COMMD1: variants seen among roughly 807,000 people sequenced by gnomAD.
The protein encoded by COMMD1 is copper metabolism domain containing 1.
COMMD1 carries 10 observed loss-of-function variants against 17.2 expected under a neutral mutation model. The ratio of observed to expected loss-of-function variants is 0.58; its 90% CI spans 0.36 to 0.99. COMMD1 has a LOEUF of 0.99. COMMD1 is among the 50% of genes least tolerant of loss of function. The pLI is 0.01. For missense variants in COMMD1, 270 were observed against 231.8 expected (o/e 1.17, Z -1.07); for synonymous variants, 97 against 91.6 (o/e 1.06, Z -0.34).
At chr2:62,110,125 A>G (rs994504000) in intron 2 of COMMD1, among the ~76,000 whole-genome samples, 3 of 151,930 alleles carry the variant, frequency 2.0e-5, no homozygotes, top group African/African-American at 7.3e-5. Flanking sequence ...GCCCAGGCTG[A>G]GTGCAGTGGC....
In COMMD1 at chr2:61,978,767, GC is replaced by G. The variant is rs560926040; in HGVS notation, c.181-21932del. ...CTTCATAAGCTGTTTTTAGCACAGT[GC>G]CTAGGTTCTAAGAGAGACAAAGGGG... On this transcript the variant is annotated intron_variant, in intron 1 of 2. Transcript: ENST00000311832. Among the ~76,000 whole-genome samples, 266 of 152,268 alleles carry G rather than the reference GC, an allele frequency of 1.7e-3. 2 individuals carry two copies. Among genetic ancestry groups the G allele is most frequent in the African/African-American group, 6.4e-3 (264 of 41,558 alleles).
At chr2:61,916,618 G>C (rs1463898193) in intron 1 of COMMD1, among the ~76,000 whole-genome samples, 2 of 151,436 alleles carry the variant, frequency 1.3e-5, no homozygotes, top group South Asian at 4.2e-4. Context: ...TTAGCGACAG[G>C]GTCTCCCTAT....
At chr2:61,935,977 T>C (rs903555810) in intron 1 of COMMD1, among the ~76,000 whole-genome samples, 1 of 152,054 alleles carries the variant, frequency 6.6e-6, no homozygotes, top group Non-Finnish European at 1.5e-5. Flanking sequence ...CCACCATACC[T>C]GGCTAATTTT....
intron 1 of COMMD1, among the ~76,000 whole-genome samples, chr2:61,893,149 G>A (rs1669475203): frequency 6.6e-6 from 1 of 151,936 alleles, no homozygotes; most frequent in South Asian, 2.1e-4. Context: ...TTACAGGTGT[G>A]AGCCACCATG....
At chr2:62,067,526 G>A (rs1323687696) in intron 2 of COMMD1, among the ~76,000 whole-genome samples, 3 of 152,166 alleles carry the variant, frequency 2.0e-5, no homozygotes, top group African/African-American at 7.2e-5. Flanking sequence ...CAAGAGAAAA[G>A]CTTGCAAATT....
chr2:62,093,451 T>C (rs1214545659), intron 2 of COMMD1, among the ~76,000 whole-genome samples: 1 of 152,220 alleles, frequency 6.6e-6, no homozygotes, highest in Non-Finnish European at 1.5e-5. Context: ...GAAAGGCAAT[T>C]GTGCACCTAT....
chr2:62,130,684 T>C (rs1037968145), intron 2 of COMMD1, among the ~76,000 whole-genome samples: 1 of 152,218 alleles, frequency 6.6e-6, no homozygotes, highest in African/African-American at 2.4e-5. Context: ...TTGTTCTAAA[T>C]GGTTCTATTC....
chr2:62,028,389 CATT>C (rs989545701), intron 2 of COMMD1, among the ~76,000 whole-genome samples: 3 of 151,878 alleles, frequency 2.0e-5, no homozygotes, highest in African/African-American at 4.9e-5. Context: ...TTTAGCAAAA[CATT>C]ATTTTTTAAA....
intron 1 of COMMD1, among the ~76,000 whole-genome samples, chr2:61,897,207 C>G (rs1209170420): frequency 6.6e-6 from 1 of 152,146 alleles, no homozygotes; most frequent in Non-Finnish European, 1.5e-5. Flanking sequence ...TAAATGAATT[C>G]TTATCTTCCT....
chr2:62,008,903 T>G (rs1669201646), intron 2 of COMMD1, among the ~76,000 whole-genome samples: 2 of 152,088 alleles, frequency 1.3e-5, no homozygotes, highest in Non-Finnish European at 2.9e-5. Context: ...TCTGCCTCAG[T>G]CTCCCAAGTA....
In COMMD1 at chr2:62,126,913, A is replaced by T. The variant is rs182411341; in HGVS notation, c.463-8918A>T. ...GCAAGAGAAAGAAATAAAGGTATTC[A>T]AATAGGAAGAGAGGAAGTCAAATTG... is the stretch of plus-strand genomic sequence containing the variant. On this transcript the variant is annotated intron_variant, in intron 2 of 2. Transcript: ENST00000311832. Among the ~76,000 whole-genome samples the T allele has an allele frequency of 1.9e-4, 29 of 152,340 alleles. 2 individuals carry two copies. In the East Asian group the frequency reaches 5.2e-3, roughly 27 times the overall value.
At chr2:61,938,490 C>T (rs752926200) in intron 1 of COMMD1, among the ~76,000 whole-genome samples, 6 of 152,306 alleles carry the variant, frequency 3.9e-5, no homozygotes, top group Middle Eastern at 3.4e-3. Context: ...CCTAGGATCA[C>T]GGTTAAACAA....
intron 1 of COMMD1, among the ~76,000 whole-genome samples, chr2:61,955,449 T>A (rs550019091): frequency 6.6e-6 from 1 of 152,286 alleles, no homozygotes; most frequent in Admixed American, 6.5e-5. Context: ...TTCTTTTCTT[T>A]TGAACTGCGT....
intron 1 of COMMD1, among the ~76,000 whole-genome samples, chr2:61,943,164 T>G (rs1371684748): frequency 6.6e-6 from 1 of 152,238 alleles, no homozygotes; most frequent in Non-Finnish European, 1.5e-5. Context: ...TTTCGAGCTC[T>G]GAATTTTTCT....
At chr2:61,906,692 C>T (rs933125611) in intron 1 of COMMD1, among the ~76,000 whole-genome samples, 2 of 151,890 alleles carry the variant, frequency 1.3e-5, no homozygotes, top group Non-Finnish European at 2.9e-5. Context: ...TTATAGGTCT[C>T]CTATGTGTTA....
intron 1 of COMMD1, among the ~76,000 whole-genome samples, chr2:61,944,633 C>T (rs945230738): frequency 2.6e-5 from 4 of 152,088 alleles, no homozygotes; most frequent in Non-Finnish European, 5.9e-5. Flanking sequence ...AGGCCAAATC[C>T]TCTCATGGTA....
chr2:61,974,257 T>A (rs941065716), intron 1 of COMMD1, among the ~76,000 whole-genome samples: 1 of 152,158 alleles, frequency 6.6e-6, no homozygotes, highest in Non-Finnish European at 1.5e-5. Flanking sequence ...CACTCCAGCC[T>A]GGGCAACAGA....
At chr2:61,888,606 G>A, upstream of COMMD1, 2 of 1,377,858 alleles carry the variant, frequency 1.5e-6, no homozygotes, top group South Asian at 2.8e-5. Context: ...CTGCCTTCAC[G>A]AACCTTCCAG....
At chr2:62,022,095 G>A (rs1669626676) in intron 2 of COMMD1, among the ~76,000 whole-genome samples, 1 of 151,794 alleles carries the variant, frequency 6.6e-6, no homozygotes, top group African/African-American at 2.4e-5. Context: ...TTAGATTGTT[G>A]ATCTACTTGG....
Sources: allele counts gnomAD v4.1 joint callset (sites outside exome capture counted in the v4.1 genomes callset), GRCh38; gene constraint gnomAD v4.1.1; transcripts MANE v1.5; gene names NCBI Gene and HGNC (gene_info 2026-07-23, HGNC 2026-07-21).